Variants in ARID1A observed in about 807,000 individuals in gnomAD.
The protein encoded by ARID1A is AT-rich interaction domain 1A, also known as AT-rich interactive domain-containing protein 1A.
Under a neutral mutation model 212.6 loss-of-function variants are expected in ARID1A, and 20 were observed. The observed-to-expected ratio is 0.09, with a 90% CI of 0.07 to 0.14. ARID1A has a LOEUF of 0.14. Among genes scored for constraint, ARID1A ranks in the 10% least tolerant of loss-of-function variants. The probability of loss-of-function intolerance (pLI) is 1.00; values close to 1 mark genes in which losing one functional copy is unlikely to be tolerated. For missense variants in ARID1A, 2,587 were observed against 3,059.0 expected (o/e 0.85, Z 3.64); for synonymous variants, 1,376 against 1,222.1 (o/e 1.13, Z -2.63).
intron 19 of ARID1A, chr1:26,778,632 T>C (rs1440179312): frequency 6.2e-6 from 1 of 161,384 alleles, no homozygotes; most frequent in Non-Finnish European, 1.3e-5. Context: ...AAGCTTGGGT[T>C]CCACTTGGCA....
rs2081039550 is a variant in ARID1A at position 26,766,375 on chromosome 1, T to C, written c.2878+9T>C. On this transcript the variant is annotated intron_variant, in intron 9 of 19. Coordinates refer to ENST00000324856, the MANE Select transcript of ARID1A (RefSeq NM_006015.6). ...GGCCAACAATTCTGCAGGTAAGTGC[T>C]AGTCATTCTCACTAGGGATTTCTTC... 6.2e-7 allele frequency: 1 copy of C among 1,614,008 alleles called. No individual in the cohort carries two copies. The highest frequency in any genetic ancestry group is 1.3e-5 in the African/African-American group (1 of 74,908).
rs746549422 is a variant in ARID1A, at chr1:26,768,010, G to A, written c.3198+11G>A. 1.2e-5 allele frequency: 20 copies of A among 1,612,176 alleles called. No homozygotes were observed. Among genetic ancestry groups the A allele is most frequent in the Admixed American group, 1.0e-4 (6 of 59,904 alleles). ...GGTGGATTGACTCAGGTGAGTGGGCGCCTGACACTTGACTGCCCCTGTGGT... is the reference window on the plus strand; with the variant it reads ...GGTGGATTGACTCAGGTGAGTGGGCACCTGACACTTGACTGCCCCTGTGGT... On this transcript the variant is annotated intron_variant, in intron 11 of 19. Transcript: ENST00000324856.
rs1350278856 is a variant in ARID1A at position 26,729,837 on chromosome 1, A to G, written c.1324A>G (p.Met442Val). The change falls in exon 2 of 20, where the codon ATG becomes GTG. Residue 442 changes from methionine to valine, a missense_variant. Physicochemically the swap from Met to Val is conservative, Grantham distance 21. This residue lies in a region of ARID1A where 674 missense variants were observed against 813.4 expected (regional missense o/e 0.83). Coordinates refer to ENST00000324856, the MANE Select transcript of ARID1A (RefSeq NM_006015.6). ...CATGCAGGGCCGGGCGCAGAGTGCCATGGGCGGCCTCTCTTATACACAGCA... is the reference window on the plus strand; with the variant it reads ...CATGCAGGGCCGGGCGCAGAGTGCCGTGGGCGGCCTCTCTTATACACAGCA... The part of the protein sequence containing the change: ...MTMQGRAQSA[M>V]GGLSYTQQIP... 2.5e-6 allele frequency: 4 copies of G among 1,614,074 alleles called. No individual in the cohort carries two copies. Among genetic ancestry groups the G allele is most frequent in the African/African-American group, 1.3e-5 (1 of 74,956 alleles).
At chr1:26,734,486 A>T (rs770508404) in intron 4 of ARID1A, among the ~76,000 whole-genome samples, 1 of 151,736 alleles carries the variant, frequency 6.6e-6, no homozygotes, top group African/African-American at 2.4e-5. Context: ...GGCCCAGGGG[A>T]TGGTTGTTCC....
intron 1 of ARID1A, among the ~76,000 whole-genome samples, chr1:26,706,889 C>A (rs1286789820): frequency 6.6e-6 from 1 of 152,186 alleles, no homozygotes; most frequent in Non-Finnish European, 1.5e-5. Flanking sequence ...GTTTGGATAA[C>A]CGGCTTTTAG....
At chr1:26,711,524 C>T (rs748801051) in intron 1 of ARID1A, among the ~76,000 whole-genome samples, 9 of 152,082 alleles carry the variant, frequency 5.9e-5, no homozygotes, top group Admixed American at 4.6e-4. Flanking sequence ...TTAATAATAC[C>T]GTAACGTTGG....
chr1:26,734,343 C>CTTTT lies in ARID1A; in HGVS notation c.1920+1567_1920+1570dup, dbSNP rs55976597. On this transcript the variant is annotated intron_variant, in intron 4 of 19. Coordinates refer to ENST00000324856, the MANE Select transcript of ARID1A (RefSeq NM_006015.6). Reference sequence around the variant, plus strand: ...CTTTTGATAGATCTGTATTTGGCTTCTTTTTTTTTTTTTTTTTTTGGTCCT... The same window carrying CTTTT: ...CTTTTGATAGATCTGTATTTGGCTTCTTTTTTTTTTTTTTTTTTTTTTTGGTCCT... Among the ~76,000 whole-genome samples the CTTTT allele has an allele frequency of 8.2e-5, 10 of 121,422 alleles. No homozygotes were observed. The South Asian group carries it at 8.3e-4, about 10-fold the overall frequency. The allele number at this position is 121,422 out of a possible 152,430, so 79.7% of individuals were successfully genotyped here.
intron 4 of ARID1A, among the ~76,000 whole-genome samples, chr1:26,749,171 T>TAAG (rs2080863482): frequency 6.6e-6 from 1 of 151,354 alleles, no homozygotes; most frequent in Non-Finnish European, 1.5e-5. Flanking sequence ...TCTCAAAAAA[T>TAAG]AATAATAATA....
chr1:26,770,559 A>G (rs1255766360), intron 11 of ARID1A: 1 of 152,574 alleles, frequency 6.6e-6, no homozygotes, highest in Admixed American at 6.5e-5. Flanking sequence ...GGAGTTTGAG[A>G]CCAGCCTGAT....
At chr1:26,742,141 C>A (rs530897718) in intron 4 of ARID1A, among the ~76,000 whole-genome samples, 1 of 152,300 alleles carries the variant, frequency 6.6e-6, no homozygotes, top group African/African-American at 2.4e-5. Context: ...ACAATCTGAT[C>A]CTCTCTTCAT....
rs1256034085 is a variant in ARID1A, at chr1:26,774,285, T to C, written c.4102-44T>C. 4 of 1,513,132 alleles carry C rather than the reference T, an allele frequency of 2.6e-6. No individual in the cohort carries two copies. The African/African-American group carries it at 5.6e-5, about 21-fold the overall frequency. 93.7% of individuals were successfully genotyped at this position (1,513,132 alleles called of 1,614,324 possible). On this transcript the variant is annotated intron_variant, in intron 17 of 19. Coordinates refer to ENST00000324856, the MANE Select transcript of ARID1A (RefSeq NM_006015.6). The surrounding 1 kb of genome is among the most constrained non-coding windows in gnomAD (Gnocchi z 5.6). ...TTGGCATCTGTGGGCTTTATGTCCC[T>C]GAGTGCAGAGTATTAACTTCCCCTC...
chr1:26,710,210 T>C (rs985576677), intron 1 of ARID1A, among the ~76,000 whole-genome samples: 2 of 147,296 alleles, frequency 1.4e-5, no homozygotes, highest in African/African-American at 5.0e-5. Flanking sequence ...CCAAGGCGGG[T>C]GGATCACAAG....
At chr1:26,714,577 G>A (rs531697856) in intron 1 of ARID1A, among the ~76,000 whole-genome samples, 6 of 151,970 alleles carry the variant, frequency 3.9e-5, no homozygotes, top group Admixed American at 2.6e-4. Context: ...TCACCATGCC[G>A]GGCTAATTTT....
chr1:26,758,271 A>T (rs371533210), intron 4 of ARID1A, among the ~76,000 whole-genome samples: 1 of 152,096 alleles, frequency 6.6e-6, no homozygotes, highest in Admixed American at 6.5e-5. Context: ...CTAGATGTCC[A>T]TGGTATAACT....
At chr1:26,758,093 G>T (rs1035226690) in intron 4 of ARID1A, among the ~76,000 whole-genome samples, 1 of 152,194 alleles carries the variant, frequency 6.6e-6, no homozygotes, top group Non-Finnish European at 1.5e-5. Context: ...AATGGAGACT[G>T]TAGGAAGGAG....
chr1:26,779,950 C>A lies in ARID1A; in HGVS notation c.6052C>A (p.His2018Asn). The A allele has an allele frequency of 6.2e-7, 1 of 1,614,152 alleles. No individual in the cohort carries two copies. Among genetic ancestry groups the A allele is most frequent in the Non-Finnish European group, 8.5e-7 (1 of 1,180,020 alleles). ...LLILGKLILL[H>N]HKHPERKQAP... ...CATCCTGGGCAAGCTGATCCTGCTGCACCACAAGCACCCAGAACGGAAGCA... is the reference window on the plus strand; with the variant it reads ...CATCCTGGGCAAGCTGATCCTGCTGAACCACAAGCACCCAGAACGGAAGCA... The change falls in exon 20 of 20, where the codon CAC becomes AAC. Residue 2018 changes from histidine to asparagine, a missense_variant. This residue lies in a region of ARID1A where 168 missense variants were observed against 321.0 expected (regional missense o/e 0.52). Transcript: ENST00000324856.
At chr1:26,741,583 C>A (rs756814255) in intron 4 of ARID1A, among the ~76,000 whole-genome samples, 13 of 152,108 alleles carry the variant, frequency 8.5e-5, no homozygotes, top group Admixed American at 3.3e-4. Context: ...AAAAAGGAAT[C>A]AAAGGCATCC....
At chr1:26,743,183 C>G (rs908517920) in intron 4 of ARID1A, among the ~76,000 whole-genome samples, 3 of 152,196 alleles carry the variant, frequency 2.0e-5, no homozygotes, top group Non-Finnish European at 2.9e-5. Context: ...AACTTCATCT[C>G]CAGCCACTCA....
At chr1:26,768,084 C>A (rs1288259246) in intron 11 of ARID1A, 85 bp downstream of exon 11, 3 of 1,384,880 alleles carry the variant, frequency 2.2e-6, no homozygotes, top group Admixed American at 4.0e-5. Flanking sequence ...TGGTACCATG[C>A]ATCCCACAGG....
Sources: gnomAD v4.1 joint callset for allele counts (sites outside exome capture counted in the v4.1 genomes callset) on GRCh38, gnomAD v4.1.1 for gene constraint, gnomAD v4.1.1 regional missense constraint, Gnocchi (gnomAD v3.1) non-coding constraint, MANE v1.5 for transcripts, NCBI Gene and HGNC (gene_info 2026-07-23, HGNC 2026-07-21) for gene names.